VPS13B: variants seen among roughly 807,000 people sequenced by gnomAD.
The protein encoded by VPS13B is intermembrane lipid transfer protein VPS13B.
Under a neutral mutation model 426.4 loss-of-function variants are expected in VPS13B, and 285 were observed. That is an observed-to-expected ratio of 0.67 (90% CI 0.61 to 0.74). VPS13B has a LOEUF of 0.74. Among genes scored for constraint, VPS13B ranks in the 30% least tolerant of loss-of-function variants. VPS13B has a pLI of 0.00. For synonymous variants in VPS13B, 1,676 were observed against 1,676.4 expected (o/e 1.00, Z 0.01); for missense variants, 4,537 against 4,782.6 (o/e 0.95, Z 1.51).
At chr8:99,532,389 T>A (rs753171439) in intron 30 of VPS13B, among the ~76,000 whole-genome samples, 7 of 152,170 alleles carry the variant, frequency 4.6e-5, no homozygotes, top group Non-Finnish European at 1.0e-4. Flanking sequence ...CATAGTAATT[T>A]TGGCAAACTT....
chr8:99,827,740 A>G (rs868371512), intron 51 of VPS13B, among the ~76,000 whole-genome samples: 5 of 152,102 alleles, frequency 3.3e-5, no homozygotes, highest in Non-Finnish European at 7.4e-5. Flanking sequence ...ATATCCCTCT[A>G]AACACTGCTT....
chr8:99,126,912 G>T (rs2132533385), intron 8 of VPS13B, among the ~76,000 whole-genome samples: 1 of 152,162 alleles, frequency 6.6e-6, no homozygotes, highest in Non-Finnish European at 1.5e-5. Flanking sequence ...ATGCAAATAT[G>T]GTGAAACTCT....
In VPS13B at chr8:99,828,394, G is replaced by GCTTTTTTTTTTTTTTTTTTTTTTT. The variant is rs1563495224; in HGVS notation, c.9331-3975_9331-3974insCTTTTTTTTTTTTTTTTTTTTTTT. 2.9e-4 allele frequency among the ~76,000 whole-genome samples: 5 copies of GCTTTTTTTTTTTTTTTTTTTTTTT among 17,424 alleles called. 1 individual carries two copies. Among genetic ancestry groups the GCTTTTTTTTTTTTTTTTTTTTTTT allele is most frequent in the African/African-American group, 4.8e-4 (2 of 4,140 alleles). The allele number at this position is 17,424 out of a possible 152,430, so 11.4% of individuals were successfully genotyped here. A position where few individuals can be genotyped will look rare whatever the true frequency, so the allele number is the denominator to read the frequency against. ...ATCAGAGACTAGGATTACAACCACC[G>GCTTTTTTTTTTTTTTTTTTTTTTT]TTTTTTTTTTTTTTTTTTTTTTTTT... is the stretch of plus-strand genomic sequence containing the variant. On this transcript the variant is annotated intron_variant, in intron 51 of 61. Coordinates refer to ENST00000357162, the MANE Select transcript of VPS13B (RefSeq NM_152564.5).
chr8:99,073,431 A>G (rs1265178497), intron 3 of VPS13B, among the ~76,000 whole-genome samples: 2 of 151,832 alleles, frequency 1.3e-5, no homozygotes, highest in African/African-American at 2.4e-5. Context: ...TTTATTGTAG[A>G]GTTATTTTTT....
At chr8:99,671,565 T>G (rs577623362) in intron 35 of VPS13B, among the ~76,000 whole-genome samples, 1 of 152,326 alleles carries the variant, frequency 6.6e-6, no homozygotes, top group African/African-American at 2.4e-5. Context: ...CATAGAGCTT[T>G]TCCCCTGTGT....
chr8:99,193,758 A>C (rs1237323808), intron 17 of VPS13B, among the ~76,000 whole-genome samples: 4 of 152,112 alleles, frequency 2.6e-5, no homozygotes, highest in Non-Finnish European at 5.9e-5. Flanking sequence ...GATGCTTTTG[A>C]AGGTTTTAAT....
At chr8:99,177,261 C>T (rs2132683124) in intron 16 of VPS13B, among the ~76,000 whole-genome samples, 1 of 152,144 alleles carries the variant, frequency 6.6e-6, no homozygotes, top group South Asian at 2.1e-4. Flanking sequence ...GATAGGGGCA[C>T]TGCATTATTT....
At position 99,362,522 on chromosome 8, in the gene VPS13B, G is replaced by A. The variant is rs370227858; in HGVS notation, c.2825-21686G>A. ...TTAGTTAATGATTGAATAATTGAGG[G>A]CAGATTCAATATAAATGATGAAGTA... On this transcript the variant is annotated intron_variant, in intron 19 of 61. Transcript: ENST00000357162. Among the ~76,000 whole-genome samples the A allele has an allele frequency of 2.1e-4, 32 of 152,114 alleles. No individual in the cohort carries two copies. The East Asian group carries it at 4.1e-3, about 19-fold the overall frequency.
intron 61 of VPS13B, among the ~76,000 whole-genome samples, chr8:99,873,953 CT>C (rs1817565482): frequency 6.6e-6 from 1 of 152,106 alleles, no homozygotes; most frequent in Admixed American, 6.6e-5. Context: ...TAGCTTTTGC[CT>C]AGTTCCTTTG....
intron 35 of VPS13B, among the ~76,000 whole-genome samples, chr8:99,684,955 A>G (rs1341388816): frequency 1.3e-5 from 2 of 152,170 alleles, no homozygotes; most frequent in African/African-American, 4.8e-5. Context: ...GGCACCTGCC[A>G]CCAACCTGGC....
At position 99,086,763 on chromosome 8, in the gene VPS13B, A is replaced by G. The variant is rs552918763; in HGVS notation, c.292-9549A>G. Among the ~76,000 whole-genome samples, 3 of 152,346 alleles carry G rather than the reference A, an allele frequency of 2.0e-5. No individual in the cohort carries two copies. In the East Asian group the frequency reaches 5.8e-4, roughly 29 times the overall value. ...CCTGGGTATCAGCAGCGGAGGCTGCAGAACAGTGGATATTGGTGAACAGCA... is the reference window on the plus strand; with the variant it reads ...CCTGGGTATCAGCAGCGGAGGCTGCGGAACAGTGGATATTGGTGAACAGCA... On this transcript the variant is annotated intron_variant, in intron 3 of 61. Transcript: ENST00000357162.
At chr8:99,022,630 G>A (rs534046390) in intron 2 of VPS13B, among the ~76,000 whole-genome samples, 68 of 152,182 alleles carry the variant, frequency 4.5e-4, no homozygotes, top group African/African-American at 1.5e-3. Flanking sequence ...TTGGTCATTA[G>A]AGTTCTTCAA....
chr8:99,771,755 G>T (rs1165763518), intron 40 of VPS13B, among the ~76,000 whole-genome samples: 1 of 152,118 alleles, frequency 6.6e-6, no homozygotes, highest in Non-Finnish European at 1.5e-5. Flanking sequence ...TTGGCTACTT[G>T]GGTCTGCCCT....
chr8:99,068,789 GA>G (rs1008560318), intron 3 of VPS13B, among the ~76,000 whole-genome samples: 6 of 152,066 alleles, frequency 3.9e-5, no homozygotes, highest in Non-Finnish European at 8.8e-5. Context: ...CAGCATGGGG[GA>G]AACCATCCCT....
At chr8:99,708,849 C>CTCTCTCTATA (rs201729748) in intron 36 of VPS13B, among the ~76,000 whole-genome samples, 37 of 147,342 alleles carry the variant, frequency 2.5e-4, no homozygotes, top group African/African-American at 7.2e-4. Flanking sequence ...CTCTCTCTCT[C>CTCTCTCTATA]TATATATATA....
In VPS13B at chr8:99,868,472, C is replaced by A; in HGVS notation, c.11392+7C>A. The A allele has an allele frequency of 6.2e-7, 1 of 1,605,708 alleles. No individual in the cohort carries two copies. The highest frequency in any genetic ancestry group is 1.1e-5 in the South Asian group (1 of 89,824). On this transcript the variant is annotated splice_region_variant and intron_variant, in intron 59 of 61. Coordinates refer to ENST00000357162, the MANE Select transcript of VPS13B (RefSeq NM_152564.5). Reference sequence around the variant, plus strand: ...GTGTCACAGACTGGCTATGGTAAGTCGGTGGAAAACCCATCAGGCCAACCC... The same window carrying A: ...GTGTCACAGACTGGCTATGGTAAGTAGGTGGAAAACCCATCAGGCCAACCC...
chr8:99,783,547 A>G (rs947079071), intron 42 of VPS13B, among the ~76,000 whole-genome samples: 1 of 152,320 alleles, frequency 6.6e-6, no homozygotes, highest in Admixed American at 6.5e-5. Context: ...CAACCAATGG[A>G]GGCACCATTA....
chr8:99,370,605 CTTTTTTTT>C (rs1047111709), intron 19 of VPS13B, among the ~76,000 whole-genome samples: 3 of 99,472 alleles, frequency 3.0e-5, no homozygotes, highest in South Asian at 3.5e-4. Context: ...GAGTGAAGGG[CTTTTTTTT>C]TTTTTTTTTT....
At chr8:99,748,823 G>A (rs1239129642) in intron 39 of VPS13B, among the ~76,000 whole-genome samples, 1 of 151,940 alleles carries the variant, frequency 6.6e-6, no homozygotes, top group Non-Finnish European at 1.5e-5. Flanking sequence ...ATGATGTATG[G>A]AATGCGCAAG....
Sources: gnomAD v4.1 joint callset for allele counts (sites outside exome capture counted in the v4.1 genomes callset) on GRCh38, gnomAD v4.1.1 for gene constraint, MANE v1.5 for transcripts, NCBI Gene and HGNC (gene_info 2026-07-23, HGNC 2026-07-21) for gene names.